ZNF215: variants seen among roughly 807,000 people sequenced by gnomAD.
ZNF215 encodes the protein zinc finger protein 215, also known as BWSCR2-associated zinc finger protein 2.
Under a neutral mutation model 27.2 loss-of-function variants are expected in ZNF215, and 24 were observed. The ratio of observed to expected loss-of-function variants is 0.88; its 90% CI spans 0.64 to 1.24. ZNF215 has a LOEUF of 1.24. ZNF215 is among the 50% of genes most tolerant of loss of function. The pLI is 0.00. For synonymous variants in ZNF215, 210 were observed against 204.0 expected (o/e 1.03, Z -0.25); for missense variants, 675 against 605.7 (o/e 1.11, Z -1.20).
intron 2 of ZNF215, 40 bp from the exon 3 acceptor site, chr11:6,932,054 G>A: frequency 2.0e-6 from 1 of 494,502 alleles, no homozygotes; most frequent in Non-Finnish European, 3.5e-6. Flanking sequence ...TATGCTAATA[G>A]ATGTTTGTTC....
In ZNF215 at chr11:6,932,325, T is replaced by A. The variant is rs761775300; in HGVS notation, c.53T>A (p.Leu18Gln). 2 of 1,614,170 alleles carry A rather than the reference T, an allele frequency of 1.2e-6. No individual in the cohort carries two copies. The highest frequency in any genetic ancestry group is 3.3e-5 in the Admixed American group (2 of 60,016). Reference sequence around the variant, plus strand: ...ATCTCAAAACCTCGAAACCTGTCTCTACGTGAACAAAGAGAGGTTCTGAGA... The same window carrying A: ...ATCTCAAAACCTCGAAACCTGTCTCAACGTGAACAAAGAGAGGTTCTGAGA... ...MAISKPRNLS[L>Q]REQREVLRAD... Residue 18 changes from leucine to glutamine, a missense_variant, in exon 3 of 7, where the codon CTA becomes CAA. Physicochemically the swap from Leu to Gln is moderately radical, Grantham distance 113. Transcript: ENST00000278319.
At chr11:6,933,543 T>C (rs1284971424) in intron 3 of ZNF215, among the ~76,000 whole-genome samples, 2 of 151,968 alleles carry the variant, frequency 1.3e-5, no homozygotes, top group Non-Finnish European at 1.5e-5. Context: ...ATCCCAGCAC[T>C]TTGGGAGGCC....
At chr11:6,950,337 C>G (rs1256789343) in intron 6 of ZNF215, among the ~76,000 whole-genome samples, 3 of 150,066 alleles carry the variant, frequency 2.0e-5, no homozygotes, top group East Asian at 2.0e-4. Flanking sequence ...TGGCCATTTT[C>G]ACGATATTGA....
At chr11:6,954,367 C>G (rs181784831) in intron 6 of ZNF215, among the ~76,000 whole-genome samples, 1 of 152,240 alleles carries the variant, frequency 6.6e-6, no homozygotes, top group Non-Finnish European at 1.5e-5. Context: ...ACGAAGGCCT[C>G]CTTGAGCTGT....
chr11:6,982,935 C>G (rs958791857), intron 5 of ZNF215, among the ~76,000 whole-genome samples: 28 of 149,896 alleles, frequency 1.9e-4, no homozygotes, highest in African/African-American at 6.9e-4. Flanking sequence ...AATAGAGACA[C>G]AAAAAACCCT....
intron 6 of ZNF215, among the ~76,000 whole-genome samples, chr11:6,951,237 G>T (rs1850044870): frequency 6.6e-6 from 1 of 152,080 alleles, no homozygotes; most frequent in Non-Finnish European, 1.5e-5. Context: ...TCAGGATGAT[G>T]CTGGCCTCAT....
rs1849680198 is a variant in ZNF215 at position 6,942,954 on chromosome 11, T to C, written c.484-129T>C. The C allele has an allele frequency of 5.1e-6, 7 of 1,374,654 alleles. No individual in the cohort carries two copies. In the East Asian group the frequency reaches 1.6e-4, roughly 32 times the overall value. The allele number at this position is 1,374,654 out of a possible 1,614,324, so 85.2% of individuals were successfully genotyped here. On this transcript the variant is annotated intron_variant, in intron 4 of 6. Transcript: ENST00000278319. The stretch of plus-strand genomic sequence containing the variant: ...TTTCATCACTTAGAACCTCAAACAT[T>C]GTCCTCAGACATTGTCCTATCAATT...
At chr11:6,986,664 A>G (rs1276884251), downstream of ZNF215, among the ~76,000 whole-genome samples, 1 of 151,542 alleles carries the variant, frequency 6.6e-6, no homozygotes, top group Non-Finnish European at 1.5e-5. Flanking sequence ...TAAATCAACA[A>G]ACAAAAACCC....
chr11:6,979,762 A>G (rs1381489292), intron 5 of ZNF215, among the ~76,000 whole-genome samples: 5 of 152,126 alleles, frequency 3.3e-5, no homozygotes, highest in Admixed American at 2.0e-4. Context: ...TTAACAGACT[A>G]AGTCAAAATG....
chr11:6,928,122 TAATA>T (rs1182783251), intron 2 of ZNF215, among the ~76,000 whole-genome samples: 1 of 152,202 alleles, frequency 6.6e-6, no homozygotes, highest in Non-Finnish European at 1.5e-5. Flanking sequence ...TGCATTCTAG[TAATA>T]AATATGGTTT....
downstream of ZNF215, among the ~76,000 whole-genome samples, chr11:6,958,959 G>T (rs750484182): frequency 6.6e-6 from 1 of 152,186 alleles, no homozygotes; most frequent in Non-Finnish European, 1.5e-5. Flanking sequence ...TGTCCACCCA[G>T]ATTGAGGGTC....
chr11:6,942,504 A>G (rs1849664228), intron 4 of ZNF215, among the ~76,000 whole-genome samples: 1 of 152,200 alleles, frequency 6.6e-6, no homozygotes, highest in Non-Finnish European at 1.5e-5. Flanking sequence ...AATTGTAGAT[A>G]GTAATAATAA....
chr11:6,983,149 A>C (rs1036516869), intron 5 of ZNF215, among the ~76,000 whole-genome samples: 2 of 152,240 alleles, frequency 1.3e-5, no homozygotes, highest in Non-Finnish European at 2.9e-5. Flanking sequence ...AATAAACTAG[A>C]AAATCTAGAA....
chr11:6,986,541 T>A (rs1851055772), downstream of ZNF215, among the ~76,000 whole-genome samples: 1 of 152,102 alleles, frequency 6.6e-6, no homozygotes, highest in African/African-American at 2.4e-5. Context: ...AAAGAGCTTC[T>A]GCACAGCAAA....
intron 5 of ZNF215, among the ~76,000 whole-genome samples, chr11:6,964,843 A>G (rs1219837498): frequency 6.6e-6 from 1 of 152,018 alleles, no homozygotes; most frequent in Non-Finnish European, 1.5e-5. Flanking sequence ...GTCTTTTAAC[A>G]CTGTTTTACA....
At chr11:6,993,187 C>G (rs1851137081), downstream of ZNF215, among the ~76,000 whole-genome samples, 1 of 152,150 alleles carries the variant, frequency 6.6e-6, no homozygotes, top group Non-Finnish European at 1.5e-5. Flanking sequence ...AAGGCACATT[C>G]CTCCATTTCG....
intron 6 of ZNF215, among the ~76,000 whole-genome samples, chr11:6,948,304 C>G (rs1041817640): frequency 6.6e-6 from 1 of 152,110 alleles, no homozygotes; most frequent in African/African-American, 2.4e-5. Context: ...TAAATTAGGT[C>G]CAGGTTTAGA....
At chr11:6,934,470 C>T (rs1849368587) in intron 3 of ZNF215, among the ~76,000 whole-genome samples, 1 of 152,126 alleles carries the variant, frequency 6.6e-6, no homozygotes, top group South Asian at 2.1e-4. Context: ...GCCTGTACAT[C>T]AGAGATCCAA....
intron 5 of ZNF215, among the ~76,000 whole-genome samples, chr11:6,979,967 A>C (rs1343382114): frequency 6.6e-6 from 1 of 152,108 alleles, no homozygotes; most frequent in Non-Finnish European, 1.5e-5. Flanking sequence ...TAACCTAGAA[A>C]ATTGTCAATT....
Sources: gnomAD v4.1 joint callset for allele counts (sites outside exome capture counted in the v4.1 genomes callset) on GRCh38, gnomAD v4.1.1 for gene constraint, MANE v1.5 for transcripts, NCBI Gene and HGNC (gene_info 2026-07-23, HGNC 2026-07-21) for gene names.